The following CCDC30 variants were observed in gnomAD, a reference collection of about 807,000 sequenced individuals.
CCDC30 encodes the protein coiled-coil domain containing 30, also known as coiled-coil domain-containing protein 30.
CCDC30 carries 70 observed loss-of-function variants against 100.2 expected under a neutral mutation model. The ratio of observed to expected loss-of-function variants is 0.70; its 90% CI spans 0.58 to 0.85. The LOEUF is 0.85. Ranked by LOEUF, CCDC30 falls within the 40% of genes least tolerant of loss-of-function variation. CCDC30 has a pLI of 0.00. For synonymous variants in CCDC30, 233 were observed against 269.5 expected (o/e 0.86, Z 1.33); for missense variants, 652 against 771.2 (o/e 0.85, Z 1.83).
chr1:42,493,523 G>T (rs1426212088), intron 4 of CCDC30, among the ~76,000 whole-genome samples: 4 of 152,092 alleles, frequency 2.6e-5, no homozygotes, highest in African/African-American at 9.7e-5. Context: ...GGAGGCAGAG[G>T]TTGCAGTGAC....
chr1:42,594,837 G>A (rs943955014), intron 10 of CCDC30: 3 of 152,166 alleles, frequency 2.0e-5, no homozygotes, highest in Non-Finnish European at 4.4e-5. Context: ...ATTGGCCTAA[G>A]AAGCCACTCC....
At chr1:42,570,753 TTGTC>T (rs1645717261) in intron 7 of CCDC30, among the ~76,000 whole-genome samples, 3 of 152,236 alleles carry the variant, frequency 2.0e-5, no homozygotes, top group Non-Finnish European at 4.4e-5. Context: ...TATGATAACT[TTGTC>T]TGCAAGATTC....
At chr1:42,550,092 C>G (rs1265681015) in intron 6 of CCDC30, among the ~76,000 whole-genome samples, 2 of 149,086 alleles carry the variant, frequency 1.3e-5, no homozygotes, top group Non-Finnish European at 3.0e-5. Flanking sequence ...TGAATAGCCC[C>G]TCCATTCACA....
chr1:42,626,256 A>T (rs1473757790), intron 11 of CCDC30, among the ~76,000 whole-genome samples: 2 of 151,884 alleles, frequency 1.3e-5, no homozygotes, highest in African/African-American at 4.8e-5. Flanking sequence ...TTATAGGTAA[A>T]ATGTCCTTTT....
upstream of CCDC30, among the ~76,000 whole-genome samples, chr1:42,461,617 G>A (rs1267037566): frequency 6.6e-6 from 1 of 151,334 alleles, no homozygotes; most frequent in Non-Finnish European, 1.5e-5. Context: ...CACAATCTCG[G>A]CTCACTGCAA....
chr1:42,517,988 G>T (rs747189380), intron 6 of CCDC30, among the ~76,000 whole-genome samples: 2 of 152,112 alleles, frequency 1.3e-5, no homozygotes, highest in Non-Finnish European at 2.9e-5. Context: ...TTTTAGGATG[G>T]ATTGTTTTAT....
chr1:42,489,030 C>T (rs1569780877), intron 3 of CCDC30, among the ~76,000 whole-genome samples: 1 of 65,058 alleles, frequency 1.5e-5, no homozygotes, highest in Non-Finnish European at 3.3e-5. Flanking sequence ...TTCTGTCCTA[C>T]CTCCTATATT....
intron 6 of CCDC30, among the ~76,000 whole-genome samples, chr1:42,527,548 A>G (rs1363666897): frequency 6.6e-6 from 1 of 152,246 alleles, no homozygotes; most frequent in East Asian, 1.9e-4. Context: ...ATACAAACAA[A>G]TCAATAAGAA....
intron 15 of CCDC30, among the ~76,000 whole-genome samples, chr1:42,652,171 T>C (rs12740264): frequency 0.037 from 5,638 of 152,268 alleles, 160 homozygotes; most frequent in Non-Finnish European, 0.056. Context: ...GGCAACAACA[T>C]TGGTGAACCT....
At chr1:42,624,969 C>A (rs577758855) in intron 11 of CCDC30, among the ~76,000 whole-genome samples, 1 of 152,260 alleles carries the variant, frequency 6.6e-6, no homozygotes, top group South Asian at 2.1e-4. Flanking sequence ...GGTATTATTT[C>A]TTTAAGTGTT....
At chr1:42,462,719 C>T (rs1643443820), upstream of CCDC30, among the ~76,000 whole-genome samples, 1 of 152,064 alleles carries the variant, frequency 6.6e-6, no homozygotes, top group Non-Finnish European at 1.5e-5. Flanking sequence ...TTTTGCATTA[C>T]ATAGGTGGGG....
At chr1:42,474,381 A>T (rs780469433) in intron 1 of CCDC30, among the ~76,000 whole-genome samples, 5 of 152,210 alleles carry the variant, frequency 3.3e-5, no homozygotes, top group African/African-American at 4.8e-5. Context: ...TAGTGTGTAT[A>T]AATTACCCAT....
chr1:42,544,707 A>G (rs963668582), intron 6 of CCDC30, among the ~76,000 whole-genome samples: 2 of 152,042 alleles, frequency 1.3e-5, no homozygotes, highest in East Asian at 3.9e-4. Flanking sequence ...GGATCTTTCC[A>G]TGTTGCCCAG....
chr1:42,601,655 AG>A (rs1455075231), intron 10 of CCDC30, among the ~76,000 whole-genome samples: 2 of 152,238 alleles, frequency 1.3e-5, no homozygotes, highest in African/African-American at 4.8e-5. Flanking sequence ...CCTAGAGTAA[AG>A]GGGATTCAAC....
At chr1:42,573,170 A>T (rs2809646) in intron 7 of CCDC30, among the ~76,000 whole-genome samples, 149,218 of 152,290 alleles carry the variant, frequency 0.98, 73,172 homozygotes, top group East Asian at 1. Context: ...AGAACCCATG[A>T]ATATTGACAC....
intron 15 of CCDC30, among the ~76,000 whole-genome samples, chr1:42,649,929 G>C (rs1410918405): frequency 6.6e-6 from 1 of 152,108 alleles, no homozygotes; most frequent in East Asian, 1.9e-4. Flanking sequence ...ACAAAACTTT[G>C]ATGAAATAAA....
intron 6 of CCDC30, among the ~76,000 whole-genome samples, chr1:42,526,939 T>G (rs1644732157): frequency 1.3e-5 from 2 of 152,206 alleles, no homozygotes; most frequent in Admixed American, 1.3e-4. Context: ...CCCAGAAAGA[T>G]GATTACTTAT....
intron 12 of CCDC30, among the ~76,000 whole-genome samples, chr1:42,642,242 A>AAC (rs201600363): frequency 1.7e-4 from 26 of 150,882 alleles, no homozygotes; most frequent in South Asian, 1.0e-3. Context: ...CAAACAAACA[A>AAC]AAAAATATAT....
At chr1:42,556,241 G>T in intron 6 of CCDC30, 1 of 1,614,056 alleles carries the variant, frequency 6.2e-7, no homozygotes. Flanking sequence ...GCAGAAGGAG[G>T]AGGGCTCACA....
Sources: gnomAD v4.1 joint callset for allele counts (sites outside exome capture counted in the v4.1 genomes callset) on GRCh38, gnomAD v4.1.1 for gene constraint, MANE v1.5 for transcripts, NCBI Gene and HGNC (gene_info 2026-07-23, HGNC 2026-07-21) for gene names.